Variants in DNPEP observed in about 807,000 individuals in gnomAD.
DNPEP encodes aspartyl aminopeptidase.
DNPEP carries 46 observed loss-of-function variants against 59.1 expected under a neutral mutation model. The ratio of observed to expected loss-of-function variants is 0.78; its 90% CI spans 0.61 to 0.99. DNPEP has a LOEUF of 0.99. Ranked by LOEUF, DNPEP falls within the 50% of genes least tolerant of loss-of-function variation. The pLI, the probability that DNPEP is intolerant of heterozygous loss-of-function variation, is 0.00. For synonymous variants in DNPEP, 229 were observed against 242.2 expected (o/e 0.95, Z 0.50); for missense variants, 617 against 649.9 (o/e 0.95, Z 0.55).
At chr2:219,396,097 A>G (rs915488694) in intron 1 of DNPEP, among the ~76,000 whole-genome samples, 1 of 152,082 alleles carries the variant, frequency 6.6e-6, no homozygotes, top group Admixed American at 6.6e-5. Flanking sequence ...AATTATAGAG[A>G]TGGAGAACAG....
upstream of DNPEP, among the ~76,000 whole-genome samples, chr2:219,390,170 G>A (rs112878866): frequency 4.0e-3 from 606 of 152,136 alleles, 7 homozygotes; most frequent in Middle Eastern, 0.01. Context: ...TCAGAAGTGA[G>A]ACATTGATGA....
chr2:219,399,703 A>G (rs1000361531), intron 1 of DNPEP, among the ~76,000 whole-genome samples: 1 of 152,212 alleles, frequency 6.6e-6, no homozygotes, highest in Admixed American at 6.5e-5. Flanking sequence ...CTGTTAAGCC[A>G]CTTGCTCGAG....
intron 6 of DNPEP, 108 bp downstream of exon 6, chr2:219,385,860 T>A: frequency 6.6e-7 from 1 of 1,509,110 alleles, no homozygotes. Flanking sequence ...CCTTAGAAAT[T>A]AACTGGGTCC....
upstream of DNPEP, among the ~76,000 whole-genome samples, chr2:219,392,447 A>T (rs1320489693): frequency 6.6e-6 from 1 of 151,944 alleles, no homozygotes; most frequent in African/African-American, 2.4e-5. Context: ...TCCTGGGTTC[A>T]AGTGATTCTC....
chr2:219,379,497 A>T (rs1483769604), intron 13 of DNPEP, among the ~76,000 whole-genome samples: 3 of 152,212 alleles, frequency 2.0e-5, no homozygotes, highest in African/African-American at 7.2e-5. Context: ...GAAAAATTTT[A>T]AAAATAGAAA....
In DNPEP at chr2:219,374,855, C is replaced by G. The variant is rs774307286; in HGVS notation, c.1407G>C (p.Lys469Asn). The change falls in exon 14 of 15, where the codon AAG becomes AAC. Residue 469 changes from lysine to asparagine, a missense_variant and splice_region_variant. Lys to Asn is a moderately conservative substitution (Grantham distance 94). Transcript: ENST00000273075. Reference protein sequence around the residue: ...TGVLQTLTLFKGFFELFPSLS... With the variant: ...TGVLQTLTLFNGFFELFPSLS... ...AGAGAGGGTCTGGGGTGGGTGTTAC[C>G]TTGAAGAGGGTGAGGGTCTGGAGGA... The G allele has an allele frequency of 1.4e-5, 23 of 1,612,732 alleles. No individual in the cohort carries two copies. The highest frequency in any genetic ancestry group is 1.8e-5 in the Non-Finnish European group (21 of 1,179,032).
chr2:219,395,217 G>A (rs1954077319), intron 1 of DNPEP, among the ~76,000 whole-genome samples: 1 of 152,164 alleles, frequency 6.6e-6, no homozygotes, highest in South Asian at 2.1e-4. Flanking sequence ...CGAAGTGCTG[G>A]GATCACAGGC....
In DNPEP at chr2:219,374,839, C is replaced by G. The variant is rs3731905; in HGVS notation, c.1407+16G>C. 1,364,205 of 1,607,086 alleles carry G rather than the reference C, an allele frequency of 0.85. 581,924 individuals carry two copies. The highest frequency in any genetic ancestry group is 0.87 in the Non-Finnish European group (1,020,125 of 1,174,376). On this transcript the variant is annotated intron_variant, in intron 14 of 14. Coordinates refer to ENST00000273075, the MANE Select transcript of DNPEP (RefSeq NM_012100.4). ...AAGCAGCCCAGCTGCCAGAGAGGGT[C>G]TGGGGTGGGTGTTACCTTGAAGAGG...
upstream of DNPEP, among the ~76,000 whole-genome samples, chr2:219,392,829 T>C (rs185750477): frequency 1.7e-4 from 26 of 152,262 alleles, no homozygotes; most frequent in Non-Finnish European, 2.8e-4. Flanking sequence ...AAACTATTGA[T>C]CCTACCTTTC....
chr2:219,399,804 AG>A, intron 1 of DNPEP: 1 of 1,328,990 alleles, frequency 7.5e-7, no homozygotes, highest in South Asian at 1.3e-5. Context: ...GGCTCATGGA[AG>A]GCTGGTGCCT....
Position 219,387,138 on chromosome 2 carries a change from T to C in DNPEP, c.62A>G (p.Lys21Arg). ...CTTAGCCGCAGTCTGCACCGCCTCT[T>C]TGCGGGCCTTACCGTTCATGGCCAC... The part of the protein sequence containing the change: ...MQVAMNGKAR[K>R]EAVQTAAKEL... Residue 21 changes from lysine to arginine, a missense_variant, in exon 2 of 15, where the codon AAA becomes AGA. Transcript: ENST00000273075. The C allele has an allele frequency of 6.4e-7, 1 of 1,565,148 alleles. No homozygotes were observed. Among genetic ancestry groups the C allele is most frequent in the Non-Finnish European group, 8.7e-7 (1 of 1,153,786 alleles).
intron 10 of DNPEP, 90 bp downstream of exon 10, chr2:219,383,041 A>C: frequency 8.0e-7 from 1 of 1,250,596 alleles, no homozygotes; most frequent in Non-Finnish European, 1.1e-6. Flanking sequence ...GGGCCCCCAG[A>C]AGAGCCCTGG....
In DNPEP at chr2:219,387,140, G is replaced by T; in HGVS notation, c.60C>A (p.Arg20=). 6.4e-7 allele frequency: 1 copy of T among 1,564,716 alleles called. No homozygotes were observed. The highest frequency in any genetic ancestry group is 8.7e-7 in the Non-Finnish European group (1 of 1,153,648). Reference sequence around the variant, plus strand: ...TAGCCGCAGTCTGCACCGCCTCTTTGCGGGCCTTACCGTTCATGGCCACCT... The same window carrying T: ...TAGCCGCAGTCTGCACCGCCTCTTTTCGGGCCTTACCGTTCATGGCCACCT... ...AMQVAMNGKA[R]KEAVQTAAKE... The change falls in exon 2 of 15, where the codon CGC becomes CGA. Residue 20 remains arginine, a synonymous_variant. Transcript: ENST00000273075.
intron 12 of DNPEP, 27 bp from the exon 13 acceptor site, chr2:219,381,463 G>A (rs773044717): frequency 2.5e-6 from 4 of 1,613,832 alleles, no homozygotes; most frequent in African/African-American, 2.7e-5. Flanking sequence ...TGAGGCAGAG[G>A]TAATGACAGG....
chr2:219,384,645 T>A, intron 8 of DNPEP: 1 of 450,952 alleles, frequency 2.2e-6, no homozygotes, highest in Non-Finnish European at 4.1e-6. Flanking sequence ...CTCGGCTCAC[T>A]GCAACTTCCG....
intron 1 of DNPEP, chr2:219,399,790 G>T: frequency 8.2e-7 from 1 of 1,225,070 alleles, no homozygotes. Flanking sequence ...CTAAGCCAGT[G>T]CGTGGCTCAT....
At position 219,374,801 on chromosome 2, in the gene DNPEP, GGCACTAGAGGGGAA is replaced by G. The variant is rs1953301724; in HGVS notation, c.1407+40_1407+53del. 7 of 1,578,430 alleles carry G rather than the reference GGCACTAGAGGGGAA, an allele frequency of 4.4e-6. No individual in the cohort carries two copies. The East Asian group carries it at 1.6e-4, about 36-fold the overall frequency. Reference sequence around the variant, plus strand: ...CGATGTTGTCCCAGCAACCAATCCAGGCACTAGAGGGGAAGCAGCCCAGCTGCCAGAGAGGGTCT... The same window carrying G: ...CGATGTTGTCCCAGCAACCAATCCAGGCAGCCCAGCTGCCAGAGAGGGTCT... On this transcript the variant is annotated intron_variant, in intron 14 of 14. Transcript: ENST00000273075.
chr2:219,382,788 A>C (rs1449798552), intron 10 of DNPEP, among the ~76,000 whole-genome samples: 1 of 152,176 alleles, frequency 6.6e-6, no homozygotes, highest in Non-Finnish European at 1.5e-5. Flanking sequence ...CTAGCTGTTC[A>C]AGCTCTGTTA....
At chr2:219,379,688 C>T (rs910810915) in intron 13 of DNPEP, among the ~76,000 whole-genome samples, 3 of 152,028 alleles carry the variant, frequency 2.0e-5, no homozygotes, top group South Asian at 2.1e-4. Context: ...TTTGGGAGGC[C>T]GAGGCGGGCG....
Sources: gnomAD v4.1 joint callset for allele counts (sites outside exome capture counted in the v4.1 genomes callset) on GRCh38, gnomAD v4.1.1 for gene constraint, MANE v1.5 for transcripts, NCBI Gene and HGNC (gene_info 2026-07-23, HGNC 2026-07-21) for gene names.